The following MED13L variants were observed in gnomAD, a reference collection of about 807,000 sequenced individuals.
The protein encoded by MED13L is mediator of RNA polymerase II transcription subunit 13-like.
MED13L carries 7 observed loss-of-function variants against 220.9 expected under a neutral mutation model. The ratio of observed to expected loss-of-function variants is 0.03; its 90% CI spans 0.02 to 0.06. The LOEUF is 0.06. MED13L is among the 10% of genes least tolerant of loss of function. The pLI is 1.00. For missense variants in MED13L, 1,965 were observed against 2,760.5 expected (o/e 0.71, Z 6.46); for synonymous variants, 1,011 against 1,015.2 (o/e 1.00, Z 0.08).
chr12:116,111,673 C>A (rs978732664), intron 2 of MED13L, among the ~76,000 whole-genome samples, 161 bp from the exon 3 acceptor site: 2 of 151,884 alleles, frequency 1.3e-5, no homozygotes, highest in African/African-American at 4.8e-5. Flanking sequence ...AGTATTTGCC[C>A]AAAGTTAGAA....
chr12:116,240,284 A>G (rs1414204986), intron 1 of MED13L, among the ~76,000 whole-genome samples: 2 of 151,752 alleles, frequency 1.3e-5, no homozygotes, highest in Non-Finnish European at 2.9e-5. Context: ...TTTAGTAGAA[A>G]CGGGGTTTCA....
intron 2 of MED13L, among the ~76,000 whole-genome samples, chr12:116,198,053 CT>C (rs1350689853): frequency 1.3e-5 from 2 of 152,110 alleles, no homozygotes; most frequent in Non-Finnish European, 2.9e-5. Context: ...ATCAATAGTG[CT>C]TATGTATGGC....
chr12:115,971,306 C>T (rs1464884158), intron 26 of MED13L, among the ~76,000 whole-genome samples: 1 of 152,078 alleles, frequency 6.6e-6, no homozygotes, highest in African/African-American at 2.4e-5. Context: ...ACGTAACTGC[C>T]CAAGTGGTAG....
intron 4 of MED13L, among the ~76,000 whole-genome samples, chr12:116,053,896 C>T (rs1293046684): frequency 1.3e-5 from 2 of 152,238 alleles, no homozygotes; most frequent in Admixed American, 6.5e-5. Flanking sequence ...TTTTAGATGA[C>T]ACCACAAGCT....
At chr12:116,127,323 C>T (rs1017678980) in intron 2 of MED13L, among the ~76,000 whole-genome samples, 15 of 151,816 alleles carry the variant, frequency 9.9e-5, no homozygotes, top group Non-Finnish European at 1.6e-4. Context: ...GATTCAAAAA[C>T]GAAAAATACA....
intron 30 of MED13L, 133 bp from the exon 31 acceptor site, chr12:115,961,531 C>CCTCATCGTTTGT: frequency 8.0e-7 from 1 of 1,252,322 alleles, no homozygotes; most frequent in South Asian, 1.3e-5. Context: ...AGGCTCTTTC[C>CCTCATCGTTTGT]CTCATCCTTT....
rs1466015859 is a variant in MED13L, at chr12:115,961,154, T to C, written c.*112A>G. 1 of 1,372,022 alleles carries C rather than the reference T, an allele frequency of 7.3e-7. No homozygotes were observed. Among genetic ancestry groups the C allele is most frequent in the African/African-American group, 1.4e-5 (1 of 69,866 alleles). 85.0% of individuals were successfully genotyped at this position (1,372,022 alleles called of 1,614,324 possible). A position where few individuals can be genotyped will look rare whatever the true frequency, so the allele number is the denominator to read the frequency against. The stretch of plus-strand genomic sequence containing the variant: ...GAGAAGGAATCACAGTGCAGGACTG[T>C]GGAGAGTGGTCTGAAGAAAAGGATG... On this transcript the variant is annotated 3_prime_UTR_variant, in exon 31 of 31. Transcript: ENST00000281928.
chr12:116,035,740 G>A (rs1458161981), intron 4 of MED13L, among the ~76,000 whole-genome samples: 5 of 151,836 alleles, frequency 3.3e-5, no homozygotes, highest in Non-Finnish European at 5.9e-5. Context: ...CCAAGCACAC[G>A]CCACCACACC....
At chr12:116,009,355 G>GTAA (rs1879253325) in intron 9 of MED13L, among the ~76,000 whole-genome samples, 2 of 152,150 alleles carry the variant, frequency 1.3e-5, no homozygotes, top group African/African-American at 4.8e-5. Flanking sequence ...AGCAAAAGAT[G>GTAA]TAAGGTACAT....
chr12:116,242,817 T>C (rs1011967047), intron 1 of MED13L, among the ~76,000 whole-genome samples: 2 of 152,172 alleles, frequency 1.3e-5, no homozygotes, highest in Admixed American at 6.5e-5. Flanking sequence ...TATAACTAGA[T>C]TTAAGCTGTA....
chr12:116,048,609 A>G (rs908840666), intron 4 of MED13L, among the ~76,000 whole-genome samples: 9 of 152,170 alleles, frequency 5.9e-5, no homozygotes, highest in Non-Finnish European at 1.0e-4. Context: ...TTCAGCTGAT[A>G]ATGCTTAAGA....
Position 116,002,983 on chromosome 12 carries a change from A to G in MED13L, c.2569+20T>C. The G allele has an allele frequency of 2.5e-6, 4 of 1,585,550 alleles. No individual in the cohort carries two copies. The highest frequency in any genetic ancestry group is 3.5e-6 in the Non-Finnish European group (4 of 1,153,936). ...TACAGGCAGTGAGCCACAATGGCTC[A>G]GTCAAGTTTCTCTACCTACTTGGTG... On this transcript the variant is annotated intron_variant, in intron 14 of 30. Transcript: ENST00000281928.
intron 17 of MED13L, among the ~76,000 whole-genome samples, chr12:115,989,007 C>T (rs564567921): frequency 2.1e-3 from 323 of 152,278 alleles, no homozygotes; most frequent in African/African-American, 7.5e-3. Context: ...GAGCATAACC[C>T]TTTAATGCTT....
intron 4 of MED13L, among the ~76,000 whole-genome samples, chr12:116,090,012 T>C (rs1279702131): frequency 1.3e-5 from 2 of 152,340 alleles, no homozygotes; most frequent in Non-Finnish European, 2.9e-5. Context: ...GTTGATATAC[T>C]GCAATATCAT....
At chr12:116,193,779 G>C (rs1881439249) in intron 2 of MED13L, among the ~76,000 whole-genome samples, 2 of 152,110 alleles carry the variant, frequency 1.3e-5, no homozygotes, top group Non-Finnish European at 2.9e-5. Context: ...AATCATCATG[G>C]GAATAGTAGG....
chr12:115,970,631 G>A lies in MED13L; in HGVS notation c.6030C>T (p.Ala2010=). The change falls in exon 27 of 31, where the codon GCC becomes GCT. Residue 2010 remains alanine, a synonymous_variant. Transcript: ENST00000281928. ...PTSSTIQVAP[A]NYPNEDGFSP... The stretch of plus-strand genomic sequence containing the variant: ...TAAACCCATCTTCATTGGGGTAGTT[G>A]GCTGGAGCCACCTGGATGGTTGATG... The A allele has an allele frequency of 6.2e-7, 1 of 1,613,978 alleles. No individual in the cohort carries two copies. The highest frequency in any genetic ancestry group is 8.5e-7 in the Non-Finnish European group (1 of 1,179,888).
At chr12:116,149,147 T>C (rs1216137018) in intron 2 of MED13L, among the ~76,000 whole-genome samples, 1 of 152,212 alleles carries the variant, frequency 6.6e-6, no homozygotes, top group Non-Finnish European at 1.5e-5. Context: ...TATTACTATG[T>C]CATGTTTTCC....
At chr12:116,214,983 G>C (rs1882910750) in intron 2 of MED13L, among the ~76,000 whole-genome samples, 1 of 151,996 alleles carries the variant, frequency 6.6e-6, no homozygotes, top group African/African-American at 2.4e-5. Flanking sequence ...CTAATGTTCA[G>C]GGCACCCTTA....
chr12:116,205,623 A>G (rs1882267579), intron 2 of MED13L, among the ~76,000 whole-genome samples: 1 of 151,502 alleles, frequency 6.6e-6, no homozygotes, highest in Non-Finnish European at 1.5e-5. Flanking sequence ...GGAGAAACTG[A>G]GCTATCAGTC....
Sources: allele counts gnomAD v4.1 joint callset (sites outside exome capture counted in the v4.1 genomes callset), GRCh38; gene constraint gnomAD v4.1.1; transcripts MANE v1.5; gene names NCBI Gene and HGNC (gene_info 2026-07-23, HGNC 2026-07-21).